Variants in CAMTA1 observed in about 807,000 individuals in gnomAD.
CAMTA1 encodes the protein calmodulin-binding transcription activator 1.
A neutral mutation model predicts 170.9 loss-of-function variants in CAMTA1; 27 were observed. The ratio of observed to expected loss-of-function variants is 0.16; its 90% CI spans 0.12 to 0.22. The LOEUF is 0.22. Among genes scored for constraint, CAMTA1 ranks in the 10% least tolerant of loss-of-function variants. The pLI, the probability that CAMTA1 is intolerant of heterozygous loss-of-function variation, is 1.00. For missense variants in CAMTA1, 1,619 were observed against 2,217.2 expected (o/e 0.73, Z 5.42); for synonymous variants, 833 against 891.5 (o/e 0.93, Z 1.17).
chr1:6,804,190 T>C (rs1369689991), intron 1 of CAMTA1, among the ~76,000 whole-genome samples: 1 of 149,618 alleles, frequency 6.7e-6, no homozygotes, highest in Non-Finnish European at 1.5e-5. Context: ...TTTTTTTTTT[T>C]TTTTTTTGGT....
rs1699238863 is a variant in CAMTA1, at chr1:7,007,902, T to A, written c.235-83402T>A. ...CCACCTACAAAGCCCCTAGAGCTTG[T>A]GAGACCCGGGAAACAGCGTTCCATA... On this transcript the variant is annotated intron_variant, in intron 3 of 22. Coordinates refer to ENST00000303635, the MANE Select transcript of CAMTA1 (RefSeq NM_015215.4). This position sits in a 1 kb window ranked among gnomAD's most constrained non-coding sequence, Gnocchi z 4.5. Among the ~76,000 whole-genome samples the A allele has an allele frequency of 6.6e-6, 1 of 152,150 alleles. No homozygotes were observed. Among genetic ancestry groups the A allele is most frequent in the Admixed American group, 6.5e-5 (1 of 15,278 alleles).
At chr1:7,330,455 T>A (rs2082958495) in intron 5 of CAMTA1, among the ~76,000 whole-genome samples, 2 of 151,934 alleles carry the variant, frequency 1.3e-5, no homozygotes, top group East Asian at 3.9e-4. Flanking sequence ...GGAAATGGAG[T>A]GTACGCCCCC....
intron 3 of CAMTA1, among the ~76,000 whole-genome samples, chr1:6,956,792 T>C (rs947060291): frequency 6.6e-6 from 1 of 152,248 alleles, no homozygotes; most frequent in Non-Finnish European, 1.5e-5. Flanking sequence ...CTGTCGGGAC[T>C]GTGGGAGCAG....
intron 5 of CAMTA1, among the ~76,000 whole-genome samples, chr1:7,372,987 C>A (rs1050974693): frequency 2.6e-5 from 4 of 152,236 alleles, no homozygotes; most frequent in African/African-American, 9.6e-5. Context: ...GCTCTGTCAC[C>A]AACCTGGTGT....
At chr1:7,415,857 A>G (rs1363996720) in intron 5 of CAMTA1, among the ~76,000 whole-genome samples, 1 of 152,138 alleles carries the variant, frequency 6.6e-6, no homozygotes, top group African/African-American at 2.4e-5. Flanking sequence ...CCTAGCCTTG[A>G]TGGTCTTTAC....
chr1:7,507,130 TCA>T (rs1376099081), intron 6 of CAMTA1, among the ~76,000 whole-genome samples: 3 of 150,610 alleles, frequency 2.0e-5, no homozygotes, highest in East Asian at 2.0e-4. Flanking sequence ...CCTCTCACAT[TCA>T]CACACTCACA....
At chr1:7,703,461 T>C (rs1249591965) in intron 11 of CAMTA1, among the ~76,000 whole-genome samples, 1 of 152,162 alleles carries the variant, frequency 6.6e-6, no homozygotes, top group Non-Finnish European at 1.5e-5. Context: ...CCATGGACGA[T>C]CTACCGGCAT....
chr1:7,661,525 C>T (rs185587332), intron 7 of CAMTA1, among the ~76,000 whole-genome samples: 115 of 152,326 alleles, frequency 7.5e-4, no homozygotes, highest in African/African-American at 2.6e-3. Context: ...TCAGAACCCC[C>T]GATGGGAGCA....
chr1:7,163,376 G>A (rs956641774), intron 4 of CAMTA1, among the ~76,000 whole-genome samples: 2 of 151,986 alleles, frequency 1.3e-5, no homozygotes, highest in East Asian at 3.9e-4. Flanking sequence ...GGATGTTGAG[G>A]TCATCCAGAA....
intron 11 of CAMTA1, among the ~76,000 whole-genome samples, chr1:7,712,256 T>A (rs1381388633): frequency 6.6e-6 from 1 of 152,116 alleles, no homozygotes; most frequent in Non-Finnish European, 1.5e-5. Flanking sequence ...TGTTTTAGAG[T>A]AAAGTTGCAT....
intron 2 of CAMTA1, among the ~76,000 whole-genome samples, chr1:6,821,964 ATC>A (rs1174197241): frequency 1.3e-5 from 2 of 152,182 alleles, no homozygotes; most frequent in African/African-American, 4.8e-5. Context: ...CAAGCAAATC[ATC>A]TGTCATTTTC....
chr1:7,204,385 G>A (rs777763401), intron 4 of CAMTA1, among the ~76,000 whole-genome samples: 30 of 151,988 alleles, frequency 2.0e-4, no homozygotes, highest in African/African-American at 4.1e-4. Context: ...ACCAATATTC[G>A]TATTTTTTTA....
At chr1:6,882,694 G>A (rs547826982) in intron 3 of CAMTA1, among the ~76,000 whole-genome samples, 19 of 152,204 alleles carry the variant, frequency 1.2e-4, no homozygotes, top group African/African-American at 4.1e-4. Context: ...TCAAGGAGAG[G>A]CTGAGGCTGG....
chr1:7,683,181 C>CAAAAAA (rs34814185), intron 11 of CAMTA1, among the ~76,000 whole-genome samples: 1 of 89,504 alleles, frequency 1.1e-5, no homozygotes, highest in Non-Finnish European at 2.1e-5. Context: ...GACTCTGTCT[C>CAAAAAA]AAAAAAAAAA....
chr1:7,030,806 G>A (rs1222790088), intron 3 of CAMTA1, among the ~76,000 whole-genome samples: 1 of 151,664 alleles, frequency 6.6e-6, no homozygotes, highest in African/African-American at 2.4e-5. Context: ...CAAGTTGGTT[G>A]ATGGTGTTGT....
intron 6 of CAMTA1, among the ~76,000 whole-genome samples, chr1:7,619,651 G>T (rs888499997): frequency 1.1e-4 from 16 of 150,530 alleles, no homozygotes; most frequent in African/African-American, 4.0e-4. Context: ...AGGAGAAATT[G>T]ATTTTTTTTT....
chr1:7,453,029 C>G (rs2092866410), intron 5 of CAMTA1, among the ~76,000 whole-genome samples: 1 of 152,248 alleles, frequency 6.6e-6, no homozygotes, highest in South Asian at 2.1e-4. Flanking sequence ...AGACCCCATC[C>G]CAGCCCCCAG....
chr1:7,699,744 T>C (rs2096418110), intron 11 of CAMTA1, among the ~76,000 whole-genome samples: 1 of 152,248 alleles, frequency 6.6e-6, no homozygotes, highest in African/African-American at 2.4e-5. Flanking sequence ...ATTGTGGTTT[T>C]GATTTGCATT....
chr1:7,006,822 A>AT (rs966880730), intron 3 of CAMTA1, among the ~76,000 whole-genome samples: 5 of 152,072 alleles, frequency 3.3e-5, no homozygotes, highest in Admixed American at 3.3e-4. Context: ...ACATTCTATG[A>AT]TTTCCCCCTT....
Sources: gnomAD v4.1 joint callset for allele counts (sites outside exome capture counted in the v4.1 genomes callset) on GRCh38, gnomAD v4.1.1 for gene constraint, Gnocchi (gnomAD v3.1) non-coding constraint, MANE v1.5 for transcripts, NCBI Gene and HGNC (gene_info 2026-07-23, HGNC 2026-07-21) for gene names.